Variants in ARHGAP24 observed in about 807,000 individuals in gnomAD.
ARHGAP24 encodes Rho GTPase activating protein 24, also known as rho GTPase-activating protein 24.
Under a neutral mutation model 76.4 loss-of-function variants are expected in ARHGAP24, and 50 were observed. The ratio of observed to expected loss-of-function variants is 0.65; its 90% CI spans 0.52 to 0.83. The LOEUF (loss-of-function observed/expected upper bound fraction) is 0.83, where lower values mean the gene tolerates loss of function less well. ARHGAP24 is among the 40% of genes least tolerant of loss of function. ARHGAP24 has a pLI of 0.00. For synonymous variants in ARHGAP24, 345 were observed against 323.3 expected (o/e 1.07, Z -0.72); for missense variants, 930 against 914.2 (o/e 1.02, Z -0.22).
chr4:85,662,430 T>C (rs1207370134), intron 2 of ARHGAP24, among the ~76,000 whole-genome samples: 1 of 151,058 alleles, frequency 6.6e-6, no homozygotes, highest in Non-Finnish European at 1.5e-5. Context: ...CTTTGTCAGA[T>C]GAGTTCGTTG....
At chr4:85,807,276 C>T (rs915333850) in intron 3 of ARHGAP24, among the ~76,000 whole-genome samples, 2 of 146,040 alleles carry the variant, frequency 1.4e-5, no homozygotes, top group Non-Finnish European at 3.0e-5. Context: ...CCACCCCCAA[C>T]AGACCCCAGT....
chr4:85,719,953 T>C (rs1724865179), intron 2 of ARHGAP24, among the ~76,000 whole-genome samples: 1 of 152,004 alleles, frequency 6.6e-6, no homozygotes, highest in Non-Finnish European at 1.5e-5. Flanking sequence ...CTGCCATTTA[T>C]AGAAGGGTAG....
At chr4:85,758,035 A>C (rs1164290205) in intron 3 of ARHGAP24, among the ~76,000 whole-genome samples, 1 of 151,812 alleles carries the variant, frequency 6.6e-6, no homozygotes, top group Non-Finnish European at 1.5e-5. Context: ...TTTCTGGGCT[A>C]TATTATGTGC....
intron 2 of ARHGAP24, among the ~76,000 whole-genome samples, chr4:85,714,214 G>C (rs899529670): frequency 3.9e-5 from 6 of 152,056 alleles, no homozygotes; most frequent in African/African-American, 1.4e-4. Flanking sequence ...TGTCCAGTGT[G>C]GAAATTAACA....
chr4:85,563,641 G>A (rs530401639), intron 1 of ARHGAP24, among the ~76,000 whole-genome samples: 6 of 152,234 alleles, frequency 3.9e-5, no homozygotes, highest in South Asian at 2.1e-4. Context: ...CATTCAGTCC[G>A]TAACAACAAG....
In ARHGAP24 at chr4:85,850,062, T is replaced by C. The variant is rs1246838216; in HGVS notation, c.269-73586T>C. On this transcript the variant is annotated intron_variant, in intron 3 of 9. Transcript: ENST00000395184. ...TTGTACCTCTGGTAGAATTCGGCTG[T>C]GAATCAATCTGGTCCTGGACTTTTT... 1.1e-4 allele frequency among the ~76,000 whole-genome samples: 16 copies of C among 152,370 alleles called. No individual in the cohort carries two copies. In the East Asian group the frequency reaches 3.1e-3, roughly 29 times the overall value.
At chr4:85,952,900 A>G (rs1737700849) in intron 5 of ARHGAP24, among the ~76,000 whole-genome samples, 1 of 152,252 alleles carries the variant, frequency 6.6e-6, no homozygotes, top group Non-Finnish European at 1.5e-5. Flanking sequence ...ATGAAAACAA[A>G]TTAAAACATA....
chr4:85,960,227 A>G (rs1738163325), intron 5 of ARHGAP24, among the ~76,000 whole-genome samples: 1 of 152,218 alleles, frequency 6.6e-6, no homozygotes, highest in Non-Finnish European at 1.5e-5. Context: ...AAAAAGTTTT[A>G]AAAGAATTCA....
intron 3 of ARHGAP24, among the ~76,000 whole-genome samples, chr4:85,822,016 G>C (rs1729495294): frequency 6.6e-6 from 1 of 152,182 alleles, no homozygotes; most frequent in Non-Finnish European, 1.5e-5. Flanking sequence ...AATAGTATCT[G>C]AGGAGCATAG....
intron 3 of ARHGAP24, among the ~76,000 whole-genome samples, chr4:85,747,163 T>C (rs532655797): frequency 2.0e-5 from 3 of 152,364 alleles, no homozygotes; most frequent in Admixed American, 1.3e-4. Flanking sequence ...CAAAGCTAAC[T>C]TTTAAAATAA....
intron 1 of ARHGAP24, among the ~76,000 whole-genome samples, chr4:85,565,229 A>C (rs968768639): frequency 1.3e-5 from 2 of 152,066 alleles, no homozygotes; most frequent in African/African-American, 4.8e-5. Context: ...GAATTTAGGT[A>C]AATATTGGCT....
chr4:85,874,026 A>C (rs1732682395), intron 3 of ARHGAP24, among the ~76,000 whole-genome samples: 1 of 152,174 alleles, frequency 6.6e-6, no homozygotes, highest in Non-Finnish European at 1.5e-5. Context: ...ATTCCTTTTA[A>C]AAAATCTGTA....
At chr4:85,586,534 T>C (rs538123931) in intron 2 of ARHGAP24, among the ~76,000 whole-genome samples, 3 of 152,288 alleles carry the variant, frequency 2.0e-5, no homozygotes, top group Admixed American at 1.3e-4. Flanking sequence ...GTTACATCTA[T>C]CATTTGATAG....
intron 1 of ARHGAP24, among the ~76,000 whole-genome samples, chr4:85,536,013 G>A (rs576993766): frequency 1.2e-4 from 18 of 151,990 alleles, no homozygotes; most frequent in Non-Finnish European, 2.1e-4. Context: ...AGTTTACATC[G>A]CTGGTGTTTA....
intron 2 of ARHGAP24, among the ~76,000 whole-genome samples, chr4:85,614,654 C>T (rs1488360805): frequency 6.6e-6 from 1 of 152,060 alleles, no homozygotes; most frequent in Admixed American, 6.5e-5. Flanking sequence ...ATTTAAATGG[C>T]TCTGGTGAAC....
intron 2 of ARHGAP24, among the ~76,000 whole-genome samples, chr4:85,588,415 G>A (rs1026561688): frequency 1.4e-4 from 21 of 152,160 alleles, no homozygotes; most frequent in African/African-American, 4.8e-4. Context: ...CCTGGAGGAT[G>A]GGGGTGGAAA....
At chr4:85,943,590 C>G (rs1737073213) in intron 5 of ARHGAP24, among the ~76,000 whole-genome samples, 1 of 152,110 alleles carries the variant, frequency 6.6e-6, no homozygotes, top group South Asian at 2.1e-4. Flanking sequence ...AGGTATTTCT[C>G]CTAATGTTAT....
intron 1 of ARHGAP24, among the ~76,000 whole-genome samples, chr4:85,483,439 C>A: frequency 6.6e-6 from 1 of 152,002 alleles, no homozygotes; most frequent in Non-Finnish European, 1.5e-5. Flanking sequence ...TGGCGAAACT[C>A]CGTCTCTACT....
intron 2 of ARHGAP24, among the ~76,000 whole-genome samples, chr4:85,637,745 CT>C (rs1321530137): frequency 1.3e-5 from 2 of 151,612 alleles, no homozygotes; most frequent in South Asian, 2.1e-4. Flanking sequence ...ATTAATTTCA[CT>C]TTTTTTTACT....
Sources: allele counts gnomAD v4.1 joint callset (sites outside exome capture counted in the v4.1 genomes callset), GRCh38; gene constraint gnomAD v4.1.1; transcripts MANE v1.5; gene names NCBI Gene and HGNC (gene_info 2026-07-23, HGNC 2026-07-21).